PADI2: variants seen among roughly 807,000 people sequenced by gnomAD.
The protein encoded by PADI2 is peptidyl arginine deiminase 2.
PADI2 carries 70 observed loss-of-function variants against 81.1 expected under a neutral mutation model. That is an observed-to-expected ratio of 0.86 (90% CI 0.71 to 1.05). PADI2 has a LOEUF of 1.05. Ranked by LOEUF, PADI2 falls within the 50% of genes least tolerant of loss-of-function variation. The pLI is 0.00. For synonymous variants in PADI2, 338 were observed against 358.0 expected, an observed-to-expected ratio of 0.94 and a Z score of 0.63; for missense variants, 853 against 889.9, an observed-to-expected ratio of 0.96 and a Z score of 0.53.
intron 13 of PADI2, among the ~76,000 whole-genome samples, chr1:17,073,677 C>A (rs920141408): frequency 6.6e-6 from 1 of 151,910 alleles, no homozygotes; most frequent in Non-Finnish European, 1.5e-5. Flanking sequence ...TCAGTACCTG[C>A]GTGATGGGAT....
chr1:17,102,858 T>G, intron 3 of PADI2, 129 bp downstream of exon 3: 1 of 685,684 alleles, frequency 1.5e-6, no homozygotes, highest in Non-Finnish European at 2.6e-6. Context: ...TCCCCAGGCC[T>G]GTGCCATTCA....
intron 6 of PADI2, among the ~76,000 whole-genome samples, chr1:17,086,916 CCT>C (rs1930484807): frequency 6.6e-6 from 1 of 152,184 alleles, no homozygotes; most frequent in African/African-American, 2.4e-5. Context: ...AGACAGTCAC[CCT>C]CTCTGGCTTT....
intron 6 of PADI2, among the ~76,000 whole-genome samples, chr1:17,088,925 A>AAAAC (rs575253558): frequency 0.27 from 22,824 of 84,444 alleles, 3,617 homozygotes; most frequent in East Asian, 0.59. Context: ...AAAAAAAAAA[A>AAAAC]AAAAAACCAA....
intron 12 of PADI2, 176 bp from the exon 13 acceptor site, chr1:17,075,125 T>C (rs2101573836): frequency 3.8e-6 from 2 of 526,958 alleles, no homozygotes; most frequent in East Asian, 6.4e-5. Flanking sequence ...ATTTCTCACC[T>C]TTCCTCTACC....
At chr1:17,083,681 G>T in intron 9 of PADI2, 45 bp downstream of exon 9, 2 of 1,215,886 alleles carry the variant, frequency 1.6e-6, no homozygotes, top group Non-Finnish European at 2.4e-6. Flanking sequence ...TTCTTTGCTT[G>T]ACCCGGGGGC....
Position 17,071,512 on chromosome 1 carries a change from G to A in PADI2, c.1550-21C>T, listed in dbSNP as rs955019247. On this transcript the variant is annotated intron_variant, in intron 13 of 15. Coordinates refer to ENST00000375486, the MANE Select transcript of PADI2 (RefSeq NM_007365.3). The stretch of plus-strand genomic sequence containing the variant: ...CAAGCCTGTGGGGTTCAAAGGACAG[G>A]GGATGGTCAAGCTTTAGATACCCAG... The A allele has an allele frequency of 7.5e-6, 12 of 1,596,874 alleles. No homozygotes were observed. In the African/African-American group the frequency reaches 1.5e-4, roughly 20 times the overall value.
chr1:17,104,426 C>CTTTTTTTTTTTTTT (rs1233283967), intron 2 of PADI2, among the ~76,000 whole-genome samples: 3 of 98,294 alleles, frequency 3.1e-5, no homozygotes, highest in African/African-American at 1.1e-4. Flanking sequence ...TTCTTTTTGC[C>CTTTTTTTTTTTTTT]TTTTCTTTTT....
At chr1:17,075,873 G>A in intron 11 of PADI2, 50 bp from the exon 12 acceptor site, 1 of 1,581,258 alleles carries the variant, frequency 6.3e-7, no homozygotes, top group South Asian at 1.1e-5. Flanking sequence ...CCGCACCAGA[G>A]GGCCTGCAAG....
intron 6 of PADI2, among the ~76,000 whole-genome samples, chr1:17,091,831 T>C (rs941459294): frequency 6.6e-6 from 1 of 152,102 alleles, no homozygotes; most frequent in Non-Finnish European, 1.5e-5. Flanking sequence ...GTGATTGTTG[T>C]GTTTACTGCA....
intron 1 of PADI2, among the ~76,000 whole-genome samples, chr1:17,107,048 G>A (rs1374657448): frequency 6.6e-6 from 1 of 152,180 alleles, no homozygotes; most frequent in African/African-American, 2.4e-5. Context: ...GGAAGGACAG[G>A]GGACTAAGGG....
chr1:17,083,395 G>A (rs1316645197), intron 9 of PADI2: 17 of 252,796 alleles, frequency 6.7e-5, no homozygotes, highest in Admixed American at 2.6e-4. Context: ...TATGTTTTCC[G>A]TTGAGTAACA....
chr1:17,111,617 A>C (rs1159567658), intron 1 of PADI2, among the ~76,000 whole-genome samples: 1 of 152,138 alleles, frequency 6.6e-6, no homozygotes, highest in Non-Finnish European at 1.5e-5. Context: ...AGAGATTCTT[A>C]AATTTGAGTG....
chr1:17,112,136 G>T (rs1268895550), intron 1 of PADI2, among the ~76,000 whole-genome samples: 2 of 152,130 alleles, frequency 1.3e-5, no homozygotes, highest in Non-Finnish European at 2.9e-5. Context: ...TGGGGAGGAG[G>T]TGGCTGCAGC....
At chr1:17,116,388 G>A (rs549874650) in intron 1 of PADI2, among the ~76,000 whole-genome samples, 28 of 152,286 alleles carry the variant, frequency 1.8e-4, no homozygotes, top group Admixed American at 9.1e-4. Context: ...ATGCCACTCC[G>A]TAATTAACTG....
chr1:17,079,399 T>A lies in PADI2; in HGVS notation c.1175A>T (p.Tyr392Phe), dbSNP rs2101579378. 6.2e-7 allele frequency: 1 copy of A among 1,613,966 alleles called. No homozygotes were observed. The highest frequency in any genetic ancestry group is 8.5e-7 in the Non-Finnish European group (1 of 1,179,888). The change falls in exon 11 of 16, where the codon TAC becomes TTC. Residue 392 changes from tyrosine (Y) to phenylalanine (F), a missense_variant. Coordinates refer to ENST00000375486, the MANE Select transcript of PADI2 (RefSeq NM_007365.3). ...VKELLGPDFG[Y>F]VTREPLFESV... is the part of the protein sequence containing the mutation. The stretch of plus-strand genomic sequence containing the variant: ...CTCAAAGAGGGGCTCCCGGGTCACG[T>A]AGCCAAAATCTGGGCCCTAGGCAGA...
chr1:17,073,416 CAAAAA>C (rs55941211), intron 13 of PADI2, among the ~76,000 whole-genome samples: 1 of 127,452 alleles, frequency 7.8e-6, no homozygotes, highest in African/African-American at 2.9e-5. Context: ...GACTGTGTCT[CAAAAA>C]AAAAAAAAAA....
intron 1 of PADI2, among the ~76,000 whole-genome samples, chr1:17,109,091 A>G (rs1288295209): frequency 6.6e-6 from 1 of 152,078 alleles, no homozygotes; most frequent in Non-Finnish European, 1.5e-5. Flanking sequence ...AAGGCTCTGG[A>G]AAGCTGGGGA....
chr1:17,081,673 G>T (rs1245646567), intron 10 of PADI2, among the ~76,000 whole-genome samples: 3 of 152,198 alleles, frequency 2.0e-5, no homozygotes, highest in Non-Finnish European at 4.4e-5. Context: ...AGCCTGTTCA[G>T]GGCAGAAGAG....
intron 7 of PADI2, among the ~76,000 whole-genome samples, chr1:17,085,277 G>C (rs536336321): frequency 2.1e-4 from 32 of 152,328 alleles, no homozygotes; most frequent in African/African-American, 6.7e-4. Flanking sequence ...TCTGATTCCA[G>C]GGTTCCTTTG....
Sources: allele counts gnomAD v4.1 joint callset (sites outside exome capture counted in the v4.1 genomes callset), GRCh38; gene constraint gnomAD v4.1.1; transcripts MANE v1.5; gene names NCBI Gene and HGNC (gene_info 2026-07-23, HGNC 2026-07-21).